DAB1: variants seen among roughly 807,000 people sequenced by gnomAD.
DAB1 encodes disabled homolog 1.
In DAB1, 15 loss-of-function variants were observed where a neutral mutation model predicts 64.6. The observed-to-expected ratio is 0.23, with a 90% confidence interval of 0.16 to 0.36. The LOEUF (loss-of-function observed/expected upper bound fraction) is 0.36, where lower values mean the gene tolerates loss of function less well. Ranked by LOEUF, DAB1 falls within the 10% of genes least tolerant of loss-of-function variation. DAB1 has a pLI of 1.00. For synonymous variants in DAB1, 235 were observed against 251.9 expected, an observed-to-expected ratio of 0.93 and a Z score of 0.64; for missense variants, 596 against 706.7, an observed-to-expected ratio of 0.84 and a Z score of 1.78.
chr1:57,573,649 C>T (rs1198628313), intron 7 of DAB1, among the ~76,000 whole-genome samples: 1 of 152,060 alleles, frequency 6.6e-6, no homozygotes, highest in African/African-American at 2.4e-5. Flanking sequence ...GGTATAAATC[C>T]GTGTTGCAAT....
chr1:57,100,452 A>G (rs1654567572), intron 4 of DAB1, among the ~76,000 whole-genome samples: 2 of 152,200 alleles, frequency 1.3e-5, no homozygotes, highest in Admixed American at 1.3e-4. Flanking sequence ...GTTAATACCC[A>G]GTCTCCATCC....
At position 58,197,559 on chromosome 1, in the gene DAB1, T is replaced by G. The variant is rs558895654; in HGVS notation, n.310-46971A>C. On this transcript the variant is annotated intron_variant and non_coding_transcript_variant, in intron 4 of 20. Transcript: ENST00000485760. Reference sequence around the variant, plus strand: ...GGTGCGCGCCACTACACCCAGCTAGTTTTTTTTGTGTTTTTTAGTAGAGAT... The same window carrying G: ...GGTGCGCGCCACTACACCCAGCTAGGTTTTTTTGTGTTTTTTAGTAGAGAT... Among the ~76,000 whole-genome samples the G allele has an allele frequency of 8.6e-5, 13 of 151,630 alleles. No individual in the cohort carries two copies. The South Asian group carries it at 2.7e-3, about 32-fold the overall frequency.
chr1:57,296,524 T>C (rs1673207080), intron 1 of DAB1, among the ~76,000 whole-genome samples: 1 of 152,146 alleles, frequency 6.6e-6, no homozygotes, highest in Admixed American at 6.6e-5. Context: ...AAATATCTTG[T>C]TATTCCAGAA....
At chr1:58,353,159 GT>G (rs1180001410) in intron 3 of DAB1, among the ~76,000 whole-genome samples, 3 of 151,674 alleles carry the variant, frequency 2.0e-5, no homozygotes, top group Admixed American at 2.0e-4. Context: ...CATAAACTCT[GT>G]GTTTTGAAAT....
chr1:57,005,567 C>G (rs1040409560), intron 14 of DAB1, among the ~76,000 whole-genome samples: 4 of 152,118 alleles, frequency 2.6e-5, no homozygotes, highest in Non-Finnish European at 4.4e-5. Flanking sequence ...GTTAGATGGT[C>G]TTAAAATGTC....
chr1:57,990,680 G>C (rs1401967806), intron 5 of DAB1, among the ~76,000 whole-genome samples: 8 of 152,204 alleles, frequency 5.3e-5, no homozygotes, highest in Admixed American at 5.2e-4. Context: ...AAAGACAGCA[G>C]TGTGAGAGGA....
At chr1:57,606,520 T>C (rs1645643243) in intron 7 of DAB1, among the ~76,000 whole-genome samples, 1 of 70,696 alleles carries the variant, frequency 1.4e-5, no homozygotes, top group Non-Finnish European at 2.7e-5. Flanking sequence ...ATAATATATA[T>C]AATATATAAT....
intron 7 of DAB1, among the ~76,000 whole-genome samples, chr1:57,616,182 C>T (rs887338901): frequency 3.3e-5 from 5 of 152,130 alleles, no homozygotes; most frequent in African/African-American, 1.2e-4. Context: ...GAGCTCATTC[C>T]TTCCTCTGGG....
intron 1 of DAB1, among the ~76,000 whole-genome samples, chr1:57,391,674 T>A (rs1682366122): frequency 6.6e-6 from 1 of 152,014 alleles, no homozygotes; most frequent in Non-Finnish European, 1.5e-5. Context: ...CTTGATGCTA[T>A]CAGATGAAAA....
chr1:58,150,128 A>C (rs1237311966), intron 5 of DAB1, among the ~76,000 whole-genome samples: 1 of 152,190 alleles, frequency 6.6e-6, no homozygotes, highest in Non-Finnish European at 1.5e-5. Context: ...CATTGTACAG[A>C]TAAAGGAAGA....
At chr1:57,180,477 A>G (rs899815552) in intron 2 of DAB1, among the ~76,000 whole-genome samples, 5 of 152,210 alleles carry the variant, frequency 3.3e-5, no homozygotes, top group Admixed American at 3.3e-4. Flanking sequence ...TTCAAACTAA[A>G]AAAGCAGAGC....
intron 12 of DAB1, 112 bp downstream of exon 12, chr1:57,014,771 A>G: frequency 1.2e-6 from 1 of 820,894 alleles, no homozygotes; most frequent in South Asian, 2.3e-5. Context: ...TAATATAAAC[A>G]AAGAAGCCTG....
chr1:57,905,716 T>C (rs1188626185), intron 5 of DAB1, among the ~76,000 whole-genome samples: 1 of 151,940 alleles, frequency 6.6e-6, no homozygotes, highest in African/African-American at 2.4e-5. Flanking sequence ...AGTGGAAGAT[T>C]CAGTATTAAC....
chr1:57,050,239 G>A (rs926772350), intron 9 of DAB1, among the ~76,000 whole-genome samples: 1 of 152,110 alleles, frequency 6.6e-6, no homozygotes, highest in African/African-American at 2.4e-5. Flanking sequence ...GATACACTTA[G>A]ATGATTCCAT....
intron 3 of DAB1, among the ~76,000 whole-genome samples, chr1:58,349,201 G>A (rs1288167437): frequency 6.6e-6 from 1 of 152,206 alleles, no homozygotes; most frequent in Non-Finnish European, 1.5e-5. Flanking sequence ...TCCACAGCCT[G>A]AGCCCCTGCT....
intron 5 of DAB1, among the ~76,000 whole-genome samples, chr1:58,005,524 A>G (rs750420539): frequency 1.5e-4 from 22 of 151,398 alleles, no homozygotes; most frequent in Non-Finnish European, 5.9e-5. Flanking sequence ...ATCAGTAAAC[A>G]TGCTATATCC....
chr1:57,968,635 C>T (rs556817745), intron 5 of DAB1, among the ~76,000 whole-genome samples: 1 of 152,064 alleles, frequency 6.6e-6, no homozygotes, highest in Admixed American at 6.6e-5. Context: ...ATTTTTTGTG[C>T]GTGTTCTTTA....
intron 7 of DAB1, among the ~76,000 whole-genome samples, chr1:57,452,423 G>A (rs1376282564): frequency 6.6e-6 from 1 of 152,020 alleles, no homozygotes; most frequent in African/African-American, 2.4e-5. Context: ...AGCATGACCA[G>A]GACATTTTTT....
At chr1:57,010,640 T>C (rs1570487743) in intron 14 of DAB1, 40 bp downstream of exon 14, 1 of 1,112,772 alleles carries the variant, frequency 9.0e-7, no homozygotes, top group Non-Finnish European at 1.2e-6. Flanking sequence ...GGAAAGCAGA[T>C]AGCTTAAGGG....
Sources: gnomAD v4.1 joint callset for allele counts (sites outside exome capture counted in the v4.1 genomes callset) on GRCh38, gnomAD v4.1.1 for gene constraint, MANE v1.5 for transcripts, NCBI Gene and HGNC (gene_info 2026-07-23, HGNC 2026-07-21) for gene names.